Variants in RAD23A observed in about 807,000 individuals in gnomAD.
RAD23A encodes lysine-specific demethylase RAD23A.
In RAD23A, 16 loss-of-function variants were observed where a neutral mutation model predicts 44.8. That is an observed-to-expected ratio of 0.36 (90% CI 0.24 to 0.54). RAD23A has a LOEUF of 0.54. Among genes scored for constraint, RAD23A ranks in the 20% least tolerant of loss-of-function variants. The pLI, the probability that RAD23A is intolerant of heterozygous loss-of-function variation, is 0.89. For synonymous variants in RAD23A, 217 were observed against 202.9 expected, an observed-to-expected ratio of 1.07 and a Z score of -0.59; for missense variants, 380 against 483.3, an observed-to-expected ratio of 0.79 and a Z score of 2.00.
At chr19:12,952,122 C>T (rs1971828687) in intron 7 of RAD23A, among the ~76,000 whole-genome samples, 1 of 152,150 alleles carries the variant, frequency 6.6e-6, no homozygotes, top group African/African-American at 2.4e-5. Flanking sequence ...GGAGTTTCAC[C>T]ATATTGGCCA....
chr19:12,947,813 G>A, intron 1 of RAD23A, 35 bp from the exon 2 acceptor site: 1 of 1,603,378 alleles, frequency 6.2e-7, no homozygotes, highest in African/African-American at 1.3e-5. Flanking sequence ...GAGAATCTTG[G>A]GGTCTCCAGT....
In RAD23A at chr19:12,947,679, C is replaced by T. The variant is rs577295663; in HGVS notation, c.73-169C>T. On this transcript the variant is annotated intron_variant, in intron 1 of 8. Coordinates refer to ENST00000586534, the MANE Select transcript of RAD23A (RefSeq NM_005053.4). ...TATAAGTAAATACTGTGTTGAATGG[C>T]ATGATGATTGAATGAATTCAAATCT... is the stretch of plus-strand genomic sequence containing the variant. Among the ~76,000 whole-genome samples, 24 of 152,290 alleles carry T rather than the reference C, an allele frequency of 1.6e-4. 1 individual carries two copies. In the South Asian group the frequency reaches 4.8e-3, roughly 30 times the overall value.
Position 12,946,783 on chromosome 19 carries a change from G to GCT in RAD23A, c.72+764_72+765insTC, listed in dbSNP as rs1429222470. ...GTCTATTGGGTACTTGGCGCTTTTT[G>GCT]CATAGTGAGGGAGACATTGAAGTCC... On this transcript the variant is annotated intron_variant, in intron 1 of 8. Coordinates refer to ENST00000586534, the MANE Select transcript of RAD23A (RefSeq NM_005053.4). 5.8e-4 allele frequency among the ~76,000 whole-genome samples: 89 copies of GCT among 152,310 alleles called. 1 individual carries two copies. Among genetic ancestry groups the GCT allele is most frequent in the African/African-American group, 2.1e-3 (87 of 41,576 alleles).
At chr19:12,947,332 A>G (rs1971696940) in intron 1 of RAD23A, among the ~76,000 whole-genome samples, 1 of 152,214 alleles carries the variant, frequency 6.6e-6, no homozygotes. Context: ...AAGGCTGGAC[A>G]AGAGTACCAG....
chr19:12,948,442 A>C lies in RAD23A; in HGVS notation c.417-55A>C. 1 of 1,550,166 alleles carries C rather than the reference A, an allele frequency of 6.5e-7. No homozygotes were observed. Among genetic ancestry groups the C allele is most frequent in the East Asian group, 2.3e-5 (1 of 44,334 alleles). ...CACATAAGTGGTCCCACACACCTGG[A>C]GGGAGGGCAAGCCGCCAGAAGCCAG... On this transcript the variant is annotated intron_variant, in intron 3 of 8. Transcript: ENST00000586534. The surrounding 1 kb of genome is among the most constrained non-coding windows in gnomAD (Gnocchi z 5.5).
Position 12,947,854 on chromosome 19 carries a change from G to T in RAD23A, c.79G>T (p.Val27Leu), listed in dbSNP as rs141708834. 2.2e-5 allele frequency: 35 copies of T among 1,613,480 alleles called. No individual in the cohort carries two copies. The highest frequency in any genetic ancestry group is 3.0e-5 in the Non-Finnish European group (35 of 1,179,990). Residue 27 changes from valine to leucine, a missense_variant, in exon 2 of 9, where the codon GTG becomes TTG. Transcript: ENST00000586534. ...IRMEPDETVKVLKEKIEAEKG... is the reference protein window; with the variant it reads ...IRMEPDETVKLLKEKIEAEKG... ...TCTGTACCACTCCCTCTAGGTGAAGGTGCTAAAGGAGAAGATAGAAGCTGA... is the reference window on the plus strand; with the variant it reads ...TCTGTACCACTCCCTCTAGGTGAAGTTGCTAAAGGAGAAGATAGAAGCTGA...
rs751358813 is a variant in RAD23A, at chr19:12,948,539, G to C, written c.459G>C (p.Ala153=). 1.3e-6 allele frequency: 2 copies of C among 1,594,930 alleles called. No individual in the cohort carries two copies. Among genetic ancestry groups the C allele is most frequent in the Admixed American group, 3.5e-5 (2 of 56,850 alleles). Residue 153 remains alanine, a synonymous_variant, in exon 4 of 9, where the codon GCG becomes GCC. Transcript: ENST00000586534. The surrounding 1 kb of genome is among the most constrained non-coding windows in gnomAD (Gnocchi z 5.5). ...GTAGCAGCGGGCGAGAGGAAGACGC[G>C]GCCTCCACGCTAGGTGGGTGGGTGG... is the stretch of plus-strand genomic sequence containing the variant. ...SSGSSGREED[A]ASTLVTGSEY...
At position 12,948,091 on chromosome 19, in the gene RAD23A, C is replaced by T. The variant is rs1971712138; in HGVS notation, c.234+82C>T. The T allele has an allele frequency of 6.2e-7, 1 of 1,607,260 alleles. No individual in the cohort carries two copies. The highest frequency in any genetic ancestry group is 1.7e-5 in the Admixed American group (1 of 59,916). ...AGCCTGTGTGCCCAGGAGAGATTAGCTGTGAACAGGGCGGGGCCACAGCGG... is the reference window on the plus strand; with the variant it reads ...AGCCTGTGTGCCCAGGAGAGATTAGTTGTGAACAGGGCGGGGCCACAGCGG... On this transcript the variant is annotated intron_variant, in intron 2 of 8. Transcript: ENST00000586534. The surrounding 1 kb of genome is among the most constrained non-coding windows in gnomAD (Gnocchi z 5.5).
intron 8 of RAD23A, 26 bp from the exon 9 acceptor site, chr19:12,952,910 C>T: frequency 6.2e-7 from 1 of 1,612,554 alleles, no homozygotes; most frequent in Non-Finnish European, 8.5e-7. Context: ...CCCTCTCCTG[C>T]TCACACTTAA....
rs1971714018 is a variant in RAD23A at position 12,948,174 on chromosome 19, C to T, written c.235-3C>T. On this transcript the variant is annotated splice_region_variant and splice_polypyrimidine_tract_variant and intron_variant, in intron 2 of 8. Transcript: ENST00000586534. The surrounding 1 kb of genome is among the most constrained non-coding windows in gnomAD (Gnocchi z 5.5). ...GCCAGCTCCCTTTTTCTTGCTGTTG[C>T]AGACCAAAGCCGGCCAGGGTACCTC... The T allele has an allele frequency of 6.2e-7, 1 of 1,614,016 alleles. No individual in the cohort carries two copies. The highest frequency in any genetic ancestry group is 8.5e-7 in the Non-Finnish European group (1 of 1,179,986).
rs1275030263 is a variant in RAD23A, at chr19:12,948,915, T to C, written c.600+102T>C. On this transcript the variant is annotated intron_variant, in intron 5 of 8. Transcript: ENST00000586534. The surrounding 1 kb of genome is among the most constrained non-coding windows in gnomAD (Gnocchi z 5.5). ...AGGCAAAACCTGCCCTGAAAAGCCT[T>C]TGGGTAGTGATTCTAGCCACTAAAG... 1.3e-6 allele frequency: 2 copies of C among 1,548,626 alleles called. No individual in the cohort carries two copies. Among genetic ancestry groups the C allele is most frequent in the Non-Finnish European group, 1.8e-6 (2 of 1,142,742 alleles).
At chr19:12,949,499 G>GA in intron 7 of RAD23A, 91 bp downstream of exon 7, 1 of 1,534,400 alleles carries the variant, frequency 6.5e-7, no homozygotes, top group Non-Finnish European at 8.9e-7. Flanking sequence ...ATCGTTCTAG[G>GA]TCCGGAAAGC....
chr19:12,950,670 C>G (rs1002537978), intron 7 of RAD23A, among the ~76,000 whole-genome samples: 5 of 152,110 alleles, frequency 3.3e-5, no homozygotes, highest in South Asian at 2.1e-4. Flanking sequence ...CAAAGTGCTG[C>G]AATTACAGGC....
Position 12,948,414 on chromosome 19 carries a change from G to A in RAD23A, c.416+56G>A, listed in dbSNP as rs998155878. On this transcript the variant is annotated intron_variant, in intron 3 of 8. Transcript: ENST00000586534. The surrounding 1 kb of genome is among the most constrained non-coding windows in gnomAD (Gnocchi z 5.5). ...CCCTGTCCTCCTAGCACATTCCAGCGTCCACATAAGTGGTCCCACACACCT... is the reference window on the plus strand; with the variant it reads ...CCCTGTCCTCCTAGCACATTCCAGCATCCACATAAGTGGTCCCACACACCT... 44 of 1,542,952 alleles carry A rather than the reference G, an allele frequency of 2.9e-5. No individual in the cohort carries two copies. The highest frequency in any genetic ancestry group is 3.4e-5 in the Non-Finnish European group (39 of 1,143,502).
chr19:12,951,184 C>T (rs776717115), intron 7 of RAD23A, among the ~76,000 whole-genome samples: 2 of 152,142 alleles, frequency 1.3e-5, no homozygotes, highest in Non-Finnish European at 2.9e-5. Flanking sequence ...TCTATGTTGC[C>T]CAGGCTGGTT....
intron 1 of RAD23A, among the ~76,000 whole-genome samples, chr19:12,946,908 A>G (rs1395751969): frequency 6.6e-6 from 1 of 152,158 alleles, no homozygotes; most frequent in Non-Finnish European, 1.5e-5. Context: ...GTTTTCTCAA[A>G]TATCAAATGA....
chr19:12,948,115 G>T lies in RAD23A; in HGVS notation c.235-62G>T. The T allele has an allele frequency of 1.2e-6, 2 of 1,609,042 alleles. No individual in the cohort carries two copies. The highest frequency in any genetic ancestry group is 1.1e-5 in the South Asian group (1 of 90,972). On this transcript the variant is annotated intron_variant, in intron 2 of 8. Transcript: ENST00000586534. The surrounding 1 kb of genome is among the most constrained non-coding windows in gnomAD (Gnocchi z 5.5). ...GCTGTGAACAGGGCGGGGCCACAGCGGAGCGGGTTGTTGGGTCTGATAGGG... is the reference window on the plus strand; with the variant it reads ...GCTGTGAACAGGGCGGGGCCACAGCTGAGCGGGTTGTTGGGTCTGATAGGG...
In RAD23A at chr19:12,953,227, T is replaced by C. The variant is rs567034944; in HGVS notation, c.*178T>C. The stretch of plus-strand genomic sequence containing the variant: ...CCTCCTAAAGTGGCCCCTGTTCCCA[T>C]CTCCCGGGCCAGACAGCTGTCCCCC... On this transcript the variant is annotated 3_prime_UTR_variant, in exon 9 of 9. Transcript: ENST00000586534. 3.2e-5 allele frequency: 15 copies of C among 462,470 alleles called. No homozygotes were observed. In the South Asian group the frequency reaches 6.1e-4, roughly 19 times the overall value. 28.6% of individuals were successfully genotyped at this position (462,470 alleles called of 1,614,324 possible). A position where few individuals can be genotyped will look rare whatever the true frequency, so the allele number is the denominator to read the frequency against.
At chr19:12,950,403 T>C (rs1271217371) in intron 7 of RAD23A, among the ~76,000 whole-genome samples, 1 of 151,732 alleles carries the variant, frequency 6.6e-6, no homozygotes, top group African/African-American at 2.4e-5. Context: ...TAAAAAGCAC[T>C]TTCTTTTCTT....
Sources: allele counts gnomAD v4.1 joint callset (sites outside exome capture counted in the v4.1 genomes callset), GRCh38; gene constraint gnomAD v4.1.1; non-coding constraint Gnocchi (gnomAD v3.1); transcripts MANE v1.5; gene names NCBI Gene and HGNC (gene_info 2026-07-23, HGNC 2026-07-21).